RUNX1: variants seen among roughly 807,000 people sequenced by gnomAD.
The protein encoded by RUNX1 is runt-related transcription factor 1.
In RUNX1, 19 loss-of-function variants were observed where a neutral mutation model predicts 42.8. That is an observed-to-expected ratio of 0.44 (90% CI 0.31 to 0.65). RUNX1 has a LOEUF of 0.65. RUNX1 is among the 30% of genes least tolerant of loss of function. The probability of loss-of-function intolerance (pLI) is 0.07; values close to 1 mark genes in which losing one functional copy is unlikely to be tolerated. For missense variants in RUNX1, 528 were observed against 672.0 expected (o/e 0.79, Z 2.37); for synonymous variants, 271 against 289.4 (o/e 0.94, Z 0.64).
At chr21:35,044,078 T>C (rs888435721) in intron 2 of RUNX1, among the ~76,000 whole-genome samples, 1 of 152,200 alleles carries the variant, frequency 6.6e-6, no homozygotes, top group Admixed American at 6.5e-5. Flanking sequence ...ACTTGTTAAG[T>C]TGAATTTCAT....
chr21:35,016,024 T>C (rs1450605679), intron 2 of RUNX1, among the ~76,000 whole-genome samples: 3 of 152,344 alleles, frequency 2.0e-5, no homozygotes, highest in Middle Eastern at 6.8e-3. Flanking sequence ...ATACATGTTA[T>C]TTTAGGCTTC....
At chr21:34,831,622 G>A (rs75637416) in intron 7 of RUNX1, among the ~76,000 whole-genome samples, 6,635 of 152,242 alleles carry the variant, frequency 0.044, 367 homozygotes, top group African/African-American at 0.13. Context: ...GCACCACTGT[G>A]GAACTACTCT....
chr21:34,944,490 TACGA>T (rs1199890902), intron 2 of RUNX1, among the ~76,000 whole-genome samples: 1 of 152,216 alleles, frequency 6.6e-6, no homozygotes, highest in East Asian at 1.9e-4. Flanking sequence ...TTTGTGTGGG[TACGA>T]ATGCCAGCAC....
At chr21:35,024,573 C>T in intron 2 of RUNX1, among the ~76,000 whole-genome samples, 1 of 152,238 alleles carries the variant, frequency 6.6e-6, no homozygotes, top group East Asian at 1.9e-4. Context: ...TCACTTTCTG[C>T]ATCCCATCCT....
chr21:34,827,229 G>A (rs1357943992), intron 7 of RUNX1, among the ~76,000 whole-genome samples: 2 of 152,258 alleles, frequency 1.3e-5, no homozygotes, highest in Non-Finnish European at 2.9e-5. Flanking sequence ...CAGAACTTAA[G>A]AGGGATGAAC....
chr21:34,833,875 A>G (rs1370892347), intron 7 of RUNX1: 2 of 248,758 alleles, frequency 8.0e-6, no homozygotes, highest in East Asian at 9.0e-5. Flanking sequence ...TGCATTCTCT[A>G]TTGATTTGCA....
At chr21:35,007,683 AC>A (rs2059095358) in intron 2 of RUNX1, among the ~76,000 whole-genome samples, 1 of 151,450 alleles carries the variant, frequency 6.6e-6, no homozygotes, top group South Asian at 2.1e-4. Context: ...TCATCTGCCA[AC>A]CCCCTTGGTG....
At chr21:34,980,394 G>T (rs1189739180) in intron 2 of RUNX1, among the ~76,000 whole-genome samples, 1 of 152,198 alleles carries the variant, frequency 6.6e-6, no homozygotes, top group African/African-American at 2.4e-5. Flanking sequence ...TGGGGATGGG[G>T]TATTCTGCCT....
rs752573187 is a variant in RUNX1 at position 34,989,014 on chromosome 21, C to CTCTCTCTCTT, written c.58+59827_58+59828insAAGAGAGAGA. ...CCCAGATCTCTCTCTCTCTCTCTCT[C>CTCTCTCTCTT]TTTTTTTTTTTTTAGATGGAGTTTC... On this transcript the variant is annotated intron_variant, in intron 2 of 8. Coordinates refer to ENST00000675419, the MANE Select transcript of RUNX1 (RefSeq NM_001754.5). Among the ~76,000 whole-genome samples, 97 of 145,890 alleles carry CTCTCTCTCTT rather than the reference C, an allele frequency of 6.6e-4. 1 individual carries two copies. Among genetic ancestry groups the CTCTCTCTCTT allele is most frequent in the African/African-American group, 2.5e-3 (95 of 38,618 alleles).
chr21:34,966,004 G>A lies in RUNX1; in HGVS notation c.59-73041C>T, dbSNP rs531153036. ...ATCCCAGGGCGGTCTCGATGGAGCAGTCCCCTCCTGTGGGTCTCTGATGTC... is the reference window on the plus strand; with the variant it reads ...ATCCCAGGGCGGTCTCGATGGAGCAATCCCCTCCTGTGGGTCTCTGATGTC... On this transcript the variant is annotated intron_variant, in intron 2 of 8. Transcript: ENST00000675419. Among the ~76,000 whole-genome samples the A allele has an allele frequency of 4.6e-5, 7 of 152,244 alleles. No homozygotes were observed. In the South Asian group the frequency reaches 1.0e-3, roughly 23 times the overall value.
chr21:34,994,020 C>T (rs1219326238), intron 2 of RUNX1, among the ~76,000 whole-genome samples: 1 of 152,172 alleles, frequency 6.6e-6, no homozygotes, highest in African/African-American at 2.4e-5. Context: ...TTGTTCCCTC[C>T]GGGCCGGCTG....
chr21:34,978,999 G>T, intron 2 of RUNX1, among the ~76,000 whole-genome samples: 1 of 136,998 alleles, frequency 7.3e-6, no homozygotes. Context: ...GTCCATCCTG[G>T]GCCAGGTAGG....
intron 2 of RUNX1, among the ~76,000 whole-genome samples, chr21:34,922,677 G>C (rs954015830): frequency 1.3e-5 from 2 of 152,146 alleles, no homozygotes; most frequent in African/African-American, 4.8e-5. Context: ...GCCTGCTGGA[G>C]TCCCCCCTGG....
At chr21:35,003,168 A>G (rs1030412075) in intron 2 of RUNX1, among the ~76,000 whole-genome samples, 1 of 152,202 alleles carries the variant, frequency 6.6e-6, no homozygotes, top group South Asian at 2.1e-4. Flanking sequence ...ATTTGAAATC[A>G]TTTCCCAGTC....
chr21:34,926,975 C>T (rs1382089201), intron 2 of RUNX1, among the ~76,000 whole-genome samples: 1 of 152,136 alleles, frequency 6.6e-6, no homozygotes, highest in Non-Finnish European at 1.5e-5. Context: ...ATTTCCTTTC[C>T]CCAGAGGTCC....
rs2056392520 is a variant in RUNX1 at position 34,788,235 on chromosome 21, A to G, written c.*3900T>C. The G allele has an allele frequency of 1.3e-5, 3 of 233,572 alleles. No individual in the cohort carries two copies. In the South Asian group the frequency reaches 5.4e-4, roughly 42 times the overall value. The allele number at this position is 233,572 out of a possible 1,614,324, so 14.5% of individuals were successfully genotyped here. On this transcript the variant is annotated 3_prime_UTR_variant, in exon 9 of 9. Coordinates refer to ENST00000675419, the MANE Select transcript of RUNX1 (RefSeq NM_001754.5). ...TAGACCCTAGGTGGGGGCTGGCTTA[A>G]ATAGGACCACATTTCCCGTTGCTTT...
chr21:35,010,488 T>G (rs1389032389), intron 2 of RUNX1, among the ~76,000 whole-genome samples: 2 of 152,212 alleles, frequency 1.3e-5, no homozygotes, highest in Admixed American at 6.5e-5. Context: ...TGCCTGGCTG[T>G]CTGTTGCATT....
chr21:34,990,506 C>T (rs1029690864), intron 2 of RUNX1, among the ~76,000 whole-genome samples: 1 of 152,110 alleles, frequency 6.6e-6, no homozygotes, highest in African/African-American at 2.4e-5. Flanking sequence ...AAAGGTGGAT[C>T]AGAGGGAGGG....
intron 2 of RUNX1, among the ~76,000 whole-genome samples, chr21:35,009,587 A>C (rs1341766167): frequency 1.3e-5 from 2 of 152,210 alleles, no homozygotes; most frequent in Non-Finnish European, 2.9e-5. Context: ...ACGGAGATCA[A>C]GGTGGTTCAA....
Sources: gnomAD v4.1 joint callset for allele counts (sites outside exome capture counted in the v4.1 genomes callset) on GRCh38, gnomAD v4.1.1 for gene constraint, MANE v1.5 for transcripts, NCBI Gene and HGNC (gene_info 2026-07-23, HGNC 2026-07-21) for gene names.